Variants in ADGRL2 observed in about 807,000 individuals in gnomAD.
ADGRL2 encodes adhesion G protein-coupled receptor L2, also known as calcium-independent alpha-latrotoxin receptor 2.
Under a neutral mutation model 157.4 loss-of-function variants are expected in ADGRL2, and 44 were observed. The ratio of observed to expected loss-of-function variants is 0.28; its 90% CI spans 0.22 to 0.36. The LOEUF is 0.36. Ranked by LOEUF, ADGRL2 falls within the 10% of genes least tolerant of loss-of-function variation. The probability of loss-of-function intolerance (pLI) is 1.00; values close to 1 mark genes in which losing one functional copy is unlikely to be tolerated. For missense variants in ADGRL2, 1,510 were observed against 1,768.9 expected (o/e 0.85, Z 2.63); for synonymous variants, 585 against 624.7 (o/e 0.94, Z 0.95).
At chr1:81,678,724 T>G (rs2083046677) in intron 3 of ADGRL2, among the ~76,000 whole-genome samples, 1 of 152,182 alleles carries the variant, frequency 6.6e-6, no homozygotes, top group South Asian at 2.1e-4. Flanking sequence ...TCCCCTTCTA[T>G]TAAACAGTAC....
chr1:81,573,659 A>G (rs2080740321), intron 2 of ADGRL2, among the ~76,000 whole-genome samples: 1 of 152,116 alleles, frequency 6.6e-6, no homozygotes, highest in South Asian at 2.1e-4. Context: ...TACTGGCTCT[A>G]CTGGTACTGG....
intron 2 of ADGRL2, among the ~76,000 whole-genome samples, chr1:81,455,416 A>G (rs1312317014): frequency 1.3e-5 from 2 of 152,186 alleles, no homozygotes; most frequent in Non-Finnish European, 2.9e-5. Context: ...TTGGCAGATC[A>G]CTGCCTCCCT....
intron 1 of ADGRL2, among the ~76,000 whole-genome samples, chr1:81,314,822 C>G (rs1032834154): frequency 2.0e-5 from 3 of 152,112 alleles, no homozygotes; most frequent in African/African-American, 7.2e-5. Flanking sequence ...TTTGCCAACT[C>G]CTCTGAAAAA....
intron 2 of ADGRL2, among the ~76,000 whole-genome samples, chr1:81,886,812 G>A (rs1264521941): frequency 6.6e-6 from 1 of 151,996 alleles, no homozygotes; most frequent in Non-Finnish European, 1.5e-5. Context: ...AATTAAAATA[G>A]TGTCTGCTTA....
At chr1:81,915,793 T>C (rs2094842195) in intron 3 of ADGRL2, among the ~76,000 whole-genome samples, 1 of 152,174 alleles carries the variant, frequency 6.6e-6, no homozygotes, top group Non-Finnish European at 1.5e-5. Context: ...AAGATCAAAA[T>C]CAATAGACGT....
intron 1 of ADGRL2, among the ~76,000 whole-genome samples, chr1:81,750,634 T>C (rs759709610): frequency 6.6e-6 from 1 of 152,120 alleles, no homozygotes; most frequent in Non-Finnish European, 1.5e-5. Context: ...AGAGAATTGC[T>C]TGAACTCAGG....
At chr1:81,575,032 T>C (rs1456866378) in intron 2 of ADGRL2, among the ~76,000 whole-genome samples, 3 of 152,204 alleles carry the variant, frequency 2.0e-5, no homozygotes, top group African/African-American at 7.2e-5. Flanking sequence ...TCTCTTTAGT[T>C]GCTTCTGTTT....
intron 2 of ADGRL2, among the ~76,000 whole-genome samples, chr1:81,899,305 C>A (rs1054558371): frequency 6.6e-6 from 1 of 152,112 alleles, no homozygotes; most frequent in Admixed American, 6.5e-5. Context: ...TAAGTGATGC[C>A]AAATTTAATG....
chr1:81,706,256 G>C (rs2083733635), intron 1 of ADGRL2, among the ~76,000 whole-genome samples: 1 of 151,962 alleles, frequency 6.6e-6, no homozygotes, highest in Non-Finnish European at 1.5e-5. Flanking sequence ...AAAAGGGATG[G>C]AAAAGAGGAT....
rs187091269 is a variant in ADGRL2, at chr1:81,355,434, C to T, written c.-302+48925C>T. Among the ~76,000 whole-genome samples the T allele has an allele frequency of 1.8e-3, 278 of 152,228 alleles. 3 individuals carry two copies. The highest frequency in any genetic ancestry group is 6.2e-3 in the African/African-American group (258 of 41,554). On this transcript the variant is annotated intron_variant, in intron 1 of 24. Transcript: ENST00000370721. Reference sequence around the variant, plus strand: ...AGTTTCAAGTATTTCCATACAGATACATATACAGATATATATGTGTACATA... The same window carrying T: ...AGTTTCAAGTATTTCCATACAGATATATATACAGATATATATGTGTACATA...
chr1:81,910,342 A>G lies in ADGRL2; in HGVS notation c.287+3112A>G, dbSNP rs147547677. ...TGTCCTAATATGATAGACTACCTCA[A>G]TTCCTGAGTTGAAAGGTAAACTCAT... is the stretch of plus-strand genomic sequence containing the variant. On this transcript the variant is annotated intron_variant, in intron 3 of 23. Transcript: ENST00000686636. Among the ~76,000 whole-genome samples, 908 of 151,716 alleles carry G rather than the reference A, an allele frequency of 6.0e-3. 7 individuals carry two copies. Among genetic ancestry groups the G allele is most frequent in the African/African-American group, 0.021 (854 of 41,446 alleles).
chr1:81,558,308 T>C (rs757059809), intron 2 of ADGRL2, among the ~76,000 whole-genome samples: 45 of 152,274 alleles, frequency 3.0e-4, no homozygotes, highest in Non-Finnish European at 5.9e-4. Context: ...ATAAGAACAT[T>C]AATAACAAAA....
intron 11 of ADGRL2, among the ~76,000 whole-genome samples, chr1:81,959,901 A>G (rs1654780674): frequency 6.6e-6 from 1 of 151,960 alleles, no homozygotes; most frequent in East Asian, 1.9e-4. Flanking sequence ...CCTGGGTTCA[A>G]GTGATTCTCC....
At chr1:81,577,458 G>A (rs1027292951) in intron 2 of ADGRL2, among the ~76,000 whole-genome samples, 3 of 152,102 alleles carry the variant, frequency 2.0e-5, no homozygotes, top group African/African-American at 7.2e-5. Context: ...TTTCTCTAAT[G>A]TCTCGCTAGT....
At chr1:81,954,618 T>A (rs1162156102) in intron 10 of ADGRL2, among the ~76,000 whole-genome samples, 2 of 152,160 alleles carry the variant, frequency 1.3e-5, no homozygotes, top group East Asian at 3.9e-4. Context: ...TGTTCCACTC[T>A]AGTTAATGGC....
In ADGRL2 at chr1:81,874,479, T is replaced by A. The variant is rs188433208; in HGVS notation, c.74-32538T>A. ...CCTCTTAATGAAATTAGTCATAAAT[T>A]AAATTGTTACTGAAACTTAAAACCA... On this transcript the variant is annotated intron_variant, in intron 2 of 23. Transcript: ENST00000686636. 3.3e-3 allele frequency among the ~76,000 whole-genome samples: 495 copies of A among 152,234 alleles called. 3 individuals are homozygous for A. The highest frequency in any genetic ancestry group is 0.011 in the African/African-American group (446 of 41,552).
chr1:81,320,291 C>T (rs1163494406), intron 1 of ADGRL2, among the ~76,000 whole-genome samples: 1 of 152,184 alleles, frequency 6.6e-6, no homozygotes, highest in Non-Finnish European at 1.5e-5. Flanking sequence ...TCTTGAACCC[C>T]TCAAAGTCAT....
intron 3 of ADGRL2, among the ~76,000 whole-genome samples, chr1:81,648,114 G>A (rs896996651): frequency 2.6e-5 from 4 of 152,186 alleles, no homozygotes; most frequent in Non-Finnish European, 5.9e-5. Context: ...TTTAAATAGA[G>A]TCTGAAAGAG....
intron 1 of ADGRL2, among the ~76,000 whole-genome samples, chr1:81,818,293 A>C (rs545554917): frequency 3.9e-5 from 6 of 152,282 alleles, no homozygotes; most frequent in Non-Finnish European, 7.4e-5. Flanking sequence ...CAGAGCAGCT[A>C]TTTCCTTTTT....
Sources: allele counts gnomAD v4.1 joint callset (sites outside exome capture counted in the v4.1 genomes callset), GRCh38; gene constraint gnomAD v4.1.1; transcripts MANE v1.5; gene names NCBI Gene and HGNC (gene_info 2026-07-23, HGNC 2026-07-21).